PER3: variants seen among roughly 807,000 people sequenced by gnomAD.
The protein encoded by PER3 is period circadian protein homolog 3.
A neutral mutation model predicts 127.2 loss-of-function variants in PER3; 107 were observed. The ratio of observed to expected loss-of-function variants is 0.84; its 90% CI spans 0.72 to 0.99. PER3 has a LOEUF of 0.99. Among genes scored for constraint, PER3 ranks in the 50% least tolerant of loss-of-function variants. PER3 has a pLI of 0.00. For synonymous variants in PER3, 618 were observed against 585.8 expected, an observed-to-expected ratio of 1.05 and a Z score of -0.79; for missense variants, 1,560 against 1,525.8, an observed-to-expected ratio of 1.02 and a Z score of -0.37.
chr1:7,815,991 C>CAAAAAAAAAAAAAAAAA (rs34144861), intron 13 of PER3, among the ~76,000 whole-genome samples: 1 of 67,662 alleles, frequency 1.5e-5, no homozygotes, highest in Admixed American at 2.1e-4. Flanking sequence ...GACTCCGTCT[C>CAAAAAAAAAAAAAAAAA]AAAAAAAAAA....
intron 5 of PER3, among the ~76,000 whole-genome samples, chr1:7,792,277 T>C (rs1340624957): frequency 2.6e-5 from 4 of 152,078 alleles, no homozygotes; most frequent in Non-Finnish European, 4.4e-5. Flanking sequence ...AAGCCTCTTA[T>C]AAAACCATGA....
intron 5 of PER3, among the ~76,000 whole-genome samples, chr1:7,791,666 A>G (rs1054551107): frequency 3.3e-5 from 5 of 152,176 alleles, no homozygotes; most frequent in Non-Finnish European, 7.4e-5. Context: ...TCAGGCTACA[A>G]ATTTTCCAAG....
rs2097271522 is a variant in PER3, at chr1:7,820,520, T to A, written c.1837T>A (p.Ser613Thr). 1.2e-6 allele frequency: 2 copies of A among 1,613,964 alleles called. No individual in the cohort carries two copies. The highest frequency in any genetic ancestry group is 3.3e-5 in the Admixed American group (2 of 60,004). Reference protein sequence around the residue: ...PKSEMPTNGRSIDTGGGAPQI... With the variant: ...PKSEMPTNGRTIDTGGGAPQI... ...ATCAGAAATGCCAACAAATGGACGG[T>A]CCATAGACACAGGAGGAGGAGCTCC... Residue 613 changes from serine (S) to threonine (T), a missense_variant, in exon 16 of 22, where the codon TCC (serine) becomes ACC (threonine). Ser to Thr is a moderately conservative substitution (Grantham distance 58). Coordinates refer to ENST00000377532, the MANE Select transcript of PER3 (RefSeq NM_001377275.1).
At chr1:7,808,223 ACT>A (rs1167684331) in intron 10 of PER3, among the ~76,000 whole-genome samples, 1 of 116,984 alleles carries the variant, frequency 8.5e-6, no homozygotes, top group African/African-American at 3.2e-5. Context: ...ACAGAGCAAG[ACT>A]CTGTCTCAAA....
chr1:7,828,667 A>G (rs565632530), intron 18 of PER3, among the ~76,000 whole-genome samples: 2 of 152,352 alleles, frequency 1.3e-5, no homozygotes, highest in African/African-American at 4.8e-5. Flanking sequence ...GGATTAAGAC[A>G]CGGATTCAAA....
intron 19 of PER3, 92 bp from the exon 20 acceptor site, chr1:7,835,670 A>T (rs966150459): frequency 3.6e-5 from 30 of 841,382 alleles, no homozygotes; most frequent in Non-Finnish European, 5.6e-5. Flanking sequence ...GAGGAGGAGG[A>T]CTGTCCGAGG....
chr1:7,819,223 A>G, intron 13 of PER3, 62 bp from the exon 14 acceptor site: 1 of 1,431,262 alleles, frequency 7.0e-7, no homozygotes, highest in South Asian at 1.3e-5. Flanking sequence ...TTGGTAAGAA[A>G]GTATATGTTC....
chr1:7,821,858 A>G (rs2097278286), intron 16 of PER3, among the ~76,000 whole-genome samples: 2 of 152,220 alleles, frequency 1.3e-5, no homozygotes, highest in Admixed American at 1.3e-4. Context: ...TGAAAAGCTC[A>G]TATTCATTAG....
In PER3 at chr1:7,784,656, C is replaced by A; in HGVS notation, c.-222C>A. On this transcript the variant is annotated splice_region_variant and 5_prime_UTR_variant, in exon 2 of 22. Coordinates refer to ENST00000377532, the MANE Select transcript of PER3 (RefSeq NM_001377275.1). ...TCACCCTTGTCTCCTCCCCCTAGGC[C>A]GGAGTCCTGAAAGTCGAGCGAGCTC... 2.2e-6 allele frequency: 1 copy of A among 456,158 alleles called. No individual in the cohort carries two copies. Among genetic ancestry groups the A allele is most frequent in the Non-Finnish European group, 3.8e-6 (1 of 262,322 alleles). The allele number at this position is 456,158 out of a possible 1,614,324, so 28.3% of individuals were successfully genotyped here.
At chr1:7,799,519 G>T (rs1039855424) in intron 7 of PER3, among the ~76,000 whole-genome samples, 1 of 151,148 alleles carries the variant, frequency 6.6e-6, no homozygotes, top group Admixed American at 6.6e-5. Flanking sequence ...CAGGAGAACT[G>T]CTTGAACCGG....
chr1:7,806,460 T>C (rs1276916401), intron 10 of PER3, among the ~76,000 whole-genome samples: 2 of 152,294 alleles, frequency 1.3e-5, no homozygotes, highest in East Asian at 3.9e-4. Context: ...TGTCTCCTTA[T>C]TGCCTGCAGA....
intron 13 of PER3, among the ~76,000 whole-genome samples, chr1:7,813,459 G>A (rs539313010): frequency 6.6e-6 from 1 of 152,292 alleles, no homozygotes; most frequent in African/African-American, 2.4e-5. Context: ...TTTGCAGGGA[G>A]GAGCAAGATG....
chr1:7,800,047 G>A lies in PER3; in HGVS notation c.794-1066G>A, dbSNP rs183068822. On this transcript the variant is annotated intron_variant, in intron 7 of 21. Transcript: ENST00000377532. ...CCTGCCTTGGCCTCCTAAAGTGCTG[G>A]GATTATAGATGTGAGCCATCAGACC... Among the ~76,000 whole-genome samples, 672 of 152,098 alleles carry A rather than the reference G, an allele frequency of 4.4e-3. 5 individuals are homozygous for A. Among genetic ancestry groups the A allele is most frequent in the African/African-American group, 0.015 (615 of 41,472 alleles).
At chr1:7,818,636 C>T (rs939907040) in intron 13 of PER3, among the ~76,000 whole-genome samples, 2 of 152,166 alleles carry the variant, frequency 1.3e-5, no homozygotes, top group Middle Eastern at 3.2e-3. Flanking sequence ...TTTCTTCTCT[C>T]TAAACTACTA....
chr1:7,784,814 A>G lies in PER3; in HGVS notation c.-64A>G. The G allele has an allele frequency of 5.1e-6, 7 of 1,384,284 alleles. No homozygotes were observed. The highest frequency in any genetic ancestry group is 6.5e-6 in the Non-Finnish European group (7 of 1,075,898). The allele number at this position is 1,384,284 out of a possible 1,614,324, so 85.8% of individuals were successfully genotyped here. On this transcript the variant is annotated 5_prime_UTR_variant, in exon 2 of 22. Transcript: ENST00000377532. ...AAACCGGTGTCTGTCACTGACTGCA[A>G]AGTGAGCGAGAAGCAGGCTGCGGGC...
rs755061465 is a variant in PER3 at position 7,835,773 on chromosome 1, A to G, written c.3226A>G (p.Ser1076Gly). The G allele has an allele frequency of 8.8e-5, 142 of 1,606,236 alleles. No homozygotes were observed. The highest frequency in any genetic ancestry group is 1.2e-4 in the Non-Finnish European group (140 of 1,175,630). Residue 1076 changes from serine (S) to glycine (G), a missense_variant, in exon 20 of 22, where the codon AGC (serine) becomes GGC (glycine). By Grantham distance (56) the Ser-to-Gly change is moderately conservative (BLOSUM62 0). Coordinates refer to ENST00000377532, the MANE Select transcript of PER3 (RefSeq NM_001377275.1). ...TTGATTTTTGACAGGAAGCAGCGAC[A>G]GCAGTATATACCTTACTAGTAGTGT... ...TGSAASGSSD[S>G]SIYLTSSVYS...
At chr1:7,809,097 A>T in intron 11 of PER3, 99 bp downstream of exon 11, 1 of 631,198 alleles carries the variant, frequency 1.6e-6, no homozygotes, top group Non-Finnish European at 2.8e-6. Flanking sequence ...AAGGGAGACA[A>T]ATCTTTGCCC....
chr1:7,834,807 ATACT>A (rs1558479768), intron 19 of PER3, among the ~76,000 whole-genome samples: 2 of 151,584 alleles, frequency 1.3e-5, no homozygotes, highest in South Asian at 2.1e-4. Context: ...TTTTATTTAC[ATACT>A]TAGTTTTTTA....
chr1:7,785,951 C>T (rs185282825), intron 3 of PER3, among the ~76,000 whole-genome samples: 66 of 152,294 alleles, frequency 4.3e-4, no homozygotes, highest in Non-Finnish European at 7.9e-4. Flanking sequence ...ATGCCGTACA[C>T]ATACTTTCAA....
Sources: allele counts gnomAD v4.1 joint callset (sites outside exome capture counted in the v4.1 genomes callset), GRCh38; gene constraint gnomAD v4.1.1; transcripts MANE v1.5; gene names NCBI Gene and HGNC (gene_info 2026-07-23, HGNC 2026-07-21).